Variants in TMED3 observed in about 807,000 individuals in gnomAD.
TMED3 encodes transmembrane p24 trafficking protein 3, also known as transmembrane emp24 domain-containing protein 3.
In TMED3, 9 loss-of-function variants were observed where a neutral mutation model predicts 15.0. That is an observed-to-expected ratio of 0.60 (90% CI 0.36 to 1.04). The LOEUF (loss-of-function observed/expected upper bound fraction) is 1.04. Among genes scored for constraint, TMED3 ranks in the 50% least tolerant of loss-of-function variants. The probability of loss-of-function intolerance (pLI) is 0.01; values close to 1 mark genes in which losing one functional copy is unlikely to be tolerated. For synonymous variants in TMED3, 117 were observed against 121.4 expected (o/e 0.96, Z 0.24); for missense variants, 267 against 278.9 (o/e 0.96, Z 0.30).
At chr15:79,315,706 T>C (rs1353106970) in intron 2 of TMED3, among the ~76,000 whole-genome samples, 1 of 152,240 alleles carries the variant, frequency 6.6e-6, no homozygotes, top group African/African-American at 2.4e-5. Flanking sequence ...TTGCTCCTGC[T>C]TAGCCTCAAA....
exon 3 of TMED3, chr15:79,411,610 C>A: frequency 4.6e-6 from 3 of 655,852 alleles, no homozygotes; most frequent in Non-Finnish European, 5.6e-6. Flanking sequence ...CTGGGACTAG[C>A]TCCTGGTCCC....
At chr15:79,316,554 C>T (rs2058741172) in intron 2 of TMED3, among the ~76,000 whole-genome samples, 1 of 152,156 alleles carries the variant, frequency 6.6e-6, no homozygotes, top group Non-Finnish European at 1.5e-5. Flanking sequence ...GTGAGGGCTG[C>T]AGGAATTTGT....
At chr15:79,366,030 A>G (rs1342273356) in intron 2 of TMED3, among the ~76,000 whole-genome samples, 1 of 152,232 alleles carries the variant, frequency 6.6e-6, no homozygotes, top group Non-Finnish European at 1.5e-5. Context: ...CAGACAAGCT[A>G]TAGGTCTGCC....
intron 2 of TMED3, among the ~76,000 whole-genome samples, chr15:79,338,552 A>G (rs906281555): frequency 6.6e-6 from 1 of 152,232 alleles, no homozygotes; most frequent in African/African-American, 2.4e-5. Context: ...GTATAGTAAA[A>G]TATAAAATAA....
intron 2 of TMED3, among the ~76,000 whole-genome samples, chr15:79,400,989 C>G (rs1364348337): frequency 6.6e-6 from 1 of 152,158 alleles, no homozygotes; most frequent in Non-Finnish European, 1.5e-5. Context: ...AAACTAAGTA[C>G]CATCCTAGGA....
chr15:79,365,907 C>T (rs1893221043), intron 2 of TMED3, among the ~76,000 whole-genome samples: 2 of 152,044 alleles, frequency 1.3e-5, no homozygotes, highest in South Asian at 2.1e-4. Flanking sequence ...TGGTGGGGTC[C>T]GAGTTTCTGA....
At chr15:79,348,682 G>A (rs1309682518) in intron 2 of TMED3, among the ~76,000 whole-genome samples, 1 of 152,206 alleles carries the variant, frequency 6.6e-6, no homozygotes, top group Non-Finnish European at 1.5e-5. Context: ...TAGTGTGATT[G>A]CTGAATCATA....
intron 2 of TMED3, among the ~76,000 whole-genome samples, chr15:79,390,693 T>C (rs1424553055): frequency 1.3e-5 from 2 of 152,168 alleles, no homozygotes; most frequent in Non-Finnish European, 2.9e-5. Flanking sequence ...TCTGGTAGAA[T>C]TCTGCGGTGA....
chr15:79,367,704 C>T (rs1438800331), intron 2 of TMED3, among the ~76,000 whole-genome samples: 1 of 152,098 alleles, frequency 6.6e-6, no homozygotes, highest in African/African-American at 2.4e-5. Flanking sequence ...GTTGCAGGTA[C>T]AGGATTTTTA....
chr15:79,361,393 A>G (rs1392518294), intron 2 of TMED3, among the ~76,000 whole-genome samples: 1 of 152,228 alleles, frequency 6.6e-6, no homozygotes, highest in Admixed American at 6.5e-5. Context: ...AATATATACG[A>G]TGGAACACTA....
intron 2 of TMED3, among the ~76,000 whole-genome samples, chr15:79,358,738 T>G (rs1893065209): frequency 6.6e-6 from 1 of 152,224 alleles, no homozygotes; most frequent in African/African-American, 2.4e-5. Flanking sequence ...TGCCTGATGC[T>G]TAAAACGAAA....
At chr15:79,383,067 A>G (rs943010017) in intron 2 of TMED3, 19 of 1,524,882 alleles carry the variant, frequency 1.2e-5, no homozygotes, top group Admixed American at 2.0e-5. Context: ...CCTCCTGTGC[A>G]TGCTCCACGG....
chr15:79,396,243 C>T (rs757620124), intron 2 of TMED3, among the ~76,000 whole-genome samples: 8 of 152,164 alleles, frequency 5.3e-5, no homozygotes, highest in Non-Finnish European at 1.2e-4. Context: ...TCTAACAAAT[C>T]GTGCCAACAT....
chr15:79,370,365 G>C (rs1595903063), intron 2 of TMED3, among the ~76,000 whole-genome samples: 1 of 149,642 alleles, frequency 6.7e-6, no homozygotes, highest in South Asian at 2.1e-4. Flanking sequence ...TAGGTCCAGA[G>C]CTCCTGCAGC....
At chr15:79,367,427 C>A (rs1893257100) in intron 2 of TMED3, among the ~76,000 whole-genome samples, 1 of 152,146 alleles carries the variant, frequency 6.6e-6, no homozygotes. Context: ...ATGCTTCAGT[C>A]CTGACACCCA....
At chr15:79,392,001 G>T (rs1365255585) in intron 2 of TMED3, among the ~76,000 whole-genome samples, 1 of 152,104 alleles carries the variant, frequency 6.6e-6, no homozygotes, top group Non-Finnish European at 1.5e-5. Flanking sequence ...TCTCTTGAAG[G>T]CAGAAGATAG....
chr15:79,326,840 A>G (rs1418278849), downstream of TMED3, among the ~76,000 whole-genome samples: 1 of 152,230 alleles, frequency 6.6e-6, no homozygotes, highest in Non-Finnish European at 1.5e-5. Flanking sequence ...TAGTGTTGCG[A>G]TAAAGGAATA....
At chr15:79,360,657 T>C (rs1893107888) in intron 2 of TMED3, among the ~76,000 whole-genome samples, 1 of 151,808 alleles carries the variant, frequency 6.6e-6, no homozygotes, top group African/African-American at 2.4e-5. Context: ...GGATTATATA[T>C]GTCCAGCGAT....
At chr15:79,387,403 C>G (rs183979647) in intron 2 of TMED3, among the ~76,000 whole-genome samples, 2 of 152,048 alleles carry the variant, frequency 1.3e-5, no homozygotes, top group Non-Finnish European at 2.9e-5. Context: ...CATTCATTAG[C>G]CTATTTGTCA....
Sources: gnomAD v4.1 joint callset for allele counts (sites outside exome capture counted in the v4.1 genomes callset) on GRCh38, gnomAD v4.1.1 for gene constraint, MANE v1.5 for transcripts, NCBI Gene and HGNC (gene_info 2026-07-23, HGNC 2026-07-21) for gene names.